Variants in CSDE1 observed in about 807,000 individuals in gnomAD.
CSDE1 encodes cold shock domain-containing protein E1.
In CSDE1, 17 loss-of-function variants were observed where a neutral mutation model predicts 89.3. The observed-to-expected ratio is 0.19, with a 90% CI of 0.13 to 0.29. The LOEUF (loss-of-function observed/expected upper bound fraction) is 0.29. Ranked by LOEUF, CSDE1 falls within the 10% of genes least tolerant of loss-of-function variation. CSDE1 has a pLI of 1.00. For synonymous variants in CSDE1, 322 were observed against 332.8 expected (o/e 0.97, Z 0.35); for missense variants, 672 against 984.2 (o/e 0.68, Z 4.24).
At chr1:114,741,764 G>A (rs1660738985) in intron 2 of CSDE1, 1 of 940,522 alleles carries the variant, frequency 1.1e-6, no homozygotes, top group East Asian at 3.0e-5. Flanking sequence ...CTTGGGTTTA[G>A]CGAAATATAA....
intron 6 of CSDE1, among the ~76,000 whole-genome samples, chr1:114,735,329 G>T (rs759734477): frequency 6.6e-6 from 1 of 152,092 alleles, no homozygotes; most frequent in Non-Finnish European, 1.5e-5. Flanking sequence ...AACCCAAAAT[G>T]TGCTTTTTAT....
At chr1:114,742,003 C>A (rs542088633) in intron 2 of CSDE1, among the ~76,000 whole-genome samples, 19 of 152,170 alleles carry the variant, frequency 1.2e-4, no homozygotes, top group Non-Finnish European at 2.5e-4. Context: ...AGAGTACACA[C>A]TGATAACCCA....
chr1:114,737,723 T>C (rs554027146), intron 4 of CSDE1, among the ~76,000 whole-genome samples, 160 bp from the exon 5 acceptor site: 2 of 152,342 alleles, frequency 1.3e-5, no homozygotes, highest in Admixed American at 6.5e-5. Context: ...ACTTACAGTA[T>C]GTAAATTGAC....
chr1:114,726,770 G>A (rs901294637), intron 13 of CSDE1, among the ~76,000 whole-genome samples: 3 of 152,126 alleles, frequency 2.0e-5, no homozygotes, highest in African/African-American at 4.8e-5. Flanking sequence ...TTTATCTAAC[G>A]TTTAAACAGC....
Position 114,725,451 on chromosome 1 carries a change from T to C in CSDE1, c.1641-118A>G, listed in dbSNP as rs970605936. The C allele has an allele frequency of 4.1e-5, 31 of 758,924 alleles. No homozygotes were observed. The East Asian group carries it at 6.6e-4, about 16-fold the overall frequency. 47.0% of individuals were successfully genotyped at this position (758,924 alleles called of 1,614,324 possible). ...GCATGCTTATTTACATTAGACACCA[T>C]TTTAAGTAATTTCTATGTATTGACT... On this transcript the variant is annotated intron_variant, in intron 14 of 19. Coordinates refer to ENST00000358528, the MANE Select transcript of CSDE1 (RefSeq NM_001007553.3).
In CSDE1 at chr1:114,739,612, T is replaced by C. The variant is rs1558002267; in HGVS notation, c.199+80A>G. ...AATGTTTTAATTTACATAAAACTTTTTGAAAAACACTCATGAACAAATTGA... is the reference window on the plus strand; with the variant it reads ...AATGTTTTAATTTACATAAAACTTTCTGAAAAACACTCATGAACAAATTGA... On this transcript the variant is annotated intron_variant, in intron 3 of 19. Coordinates refer to ENST00000358528, the MANE Select transcript of CSDE1 (RefSeq NM_001007553.3). 2.4e-6 allele frequency: 3 copies of C among 1,255,998 alleles called. No individual in the cohort carries two copies. In the African/African-American group the frequency reaches 4.5e-5, roughly 19 times the overall value. The allele number at this position is 1,255,998 out of a possible 1,614,324, so 77.8% of individuals were successfully genotyped here. A position where few individuals can be genotyped will look rare whatever the true frequency, so the allele number is the denominator to read the frequency against.
At position 114,739,903 on chromosome 1, in the gene CSDE1, GAA is replaced by G; in HGVS notation, c.1-15_1-14del. ...GATCAAAGCTCATCTGTTTTAAAAA[GAA>G]AAAGAATATATACATATCTGTACAT... On this transcript the variant is annotated splice_polypyrimidine_tract_variant and intron_variant, in intron 2 of 19. Coordinates refer to ENST00000358528, the MANE Select transcript of CSDE1 (RefSeq NM_001007553.3). 3.1e-6 allele frequency: 5 copies of G among 1,598,126 alleles called. No homozygotes were observed. The highest frequency in any genetic ancestry group is 4.3e-6 in the Non-Finnish European group (5 of 1,165,866).
chr1:114,724,743 GAC>G (rs1461714982), intron 15 of CSDE1, among the ~76,000 whole-genome samples: 1 of 151,690 alleles, frequency 6.6e-6, no homozygotes, highest in Admixed American at 6.6e-5. Flanking sequence ...GTTTTTTTCA[GAC>G]AGTCTTGCTC....
intron 3 of CSDE1, among the ~76,000 whole-genome samples, chr1:114,738,491 A>G (rs144198252): frequency 1.3e-5 from 2 of 152,108 alleles, no homozygotes; most frequent in Non-Finnish European, 2.9e-5. Flanking sequence ...TCTTATGTAA[A>G]AGGAGAATAA....
At chr1:114,741,961 A>T (rs1366848081) in intron 2 of CSDE1, among the ~76,000 whole-genome samples, 2 of 152,252 alleles carry the variant, frequency 1.3e-5, no homozygotes, top group Admixed American at 6.5e-5. Flanking sequence ...AACTTTAAAT[A>T]GAACCTATCA....
chr1:114,723,463 T>C (rs1187163233), intron 16 of CSDE1, among the ~76,000 whole-genome samples: 1 of 152,156 alleles, frequency 6.6e-6, no homozygotes, highest in East Asian at 1.9e-4. Flanking sequence ...AAACAGATTA[T>C]GTACATATGT....
chr1:114,734,530 A>G lies in CSDE1; in HGVS notation c.501-7T>C, dbSNP rs1660288312. ...AGCACTTACAGCACCAGTACTAGAA[A>G]AAAAATAATTGCAGGGAGGAGGAAT... On this transcript the variant is annotated splice_region_variant and splice_polypyrimidine_tract_variant and intron_variant, in intron 6 of 19. Transcript: ENST00000358528. The G allele has an allele frequency of 3.1e-6, 5 of 1,606,800 alleles. No homozygotes were observed. The highest frequency in any genetic ancestry group is 3.4e-5 in the Admixed American group (2 of 58,480).
At chr1:114,719,823 A>C in intron 17 of CSDE1, 81 bp from the exon 18 acceptor site, 3 of 1,344,642 alleles carry the variant, frequency 2.2e-6, no homozygotes, top group Non-Finnish European at 3.1e-6. Context: ...CCCTATCTAA[A>C]AGGATGTATA....
At position 114,725,344 on chromosome 1, in the gene CSDE1, A is replaced by G. The variant is rs535485468; in HGVS notation, c.1641-11T>C. The G allele has an allele frequency of 4.1e-5, 66 of 1,595,236 alleles. No individual in the cohort carries two copies. In the South Asian group the frequency reaches 7.1e-4, roughly 17 times the overall value. On this transcript the variant is annotated splice_polypyrimidine_tract_variant and intron_variant, in intron 14 of 19. Transcript: ENST00000358528. ...TCACCAGAGAACTCACTAAGGAGAA[A>G]GGAAATGACATTTAACTAAACATTA...
chr1:114,718,280 A>C, intron 19 of CSDE1, 64 bp from the exon 20 acceptor site: 2 of 1,517,136 alleles, frequency 1.3e-6, no homozygotes, highest in Non-Finnish European at 1.8e-6. Flanking sequence ...ATCATAGTAC[A>C]TTCACTATTC....
At chr1:114,738,545 T>C (rs796671838) in intron 3 of CSDE1, among the ~76,000 whole-genome samples, 96 of 152,112 alleles carry the variant, frequency 6.3e-4, no homozygotes, top group African/African-American at 2.3e-3. Flanking sequence ...ACAATGTTCC[T>C]ATAGCATGCA....
At chr1:114,757,083 T>C (rs1360872061) in intron 1 of CSDE1, among the ~76,000 whole-genome samples, 3 of 152,194 alleles carry the variant, frequency 2.0e-5, no homozygotes, top group Non-Finnish European at 4.4e-5. Context: ...AGGACACTAC[T>C]GAGCTTTCAG....
rs538505760 is a variant in CSDE1, at chr1:114,737,482, C to T, written c.391G>A (p.Glu131Lys). ...ATACACAAGTTTACCCCATTACGTT[C>T]GTAGCATACACTCCCTGTTGGACTC... is the stretch of plus-strand genomic sequence containing the variant. ...GQSPTGSVCY[E>K]RNGEVFYLTY... Residue 131 changes from glutamate to lysine, a missense_variant, in exon 5 of 20, where the codon GAA (glutamate) becomes AAA (lysine). Glu to Lys is a moderately conservative substitution (Grantham distance 56). Coordinates refer to ENST00000358528, the MANE Select transcript of CSDE1 (RefSeq NM_001007553.3). 3.7e-6 allele frequency: 6 copies of T among 1,613,186 alleles called. No homozygotes were observed. Among genetic ancestry groups the T allele is most frequent in the African/African-American group, 1.3e-5 (1 of 74,952 alleles).
chr1:114,744,836 T>C (rs532664938), intron 2 of CSDE1, among the ~76,000 whole-genome samples: 7 of 152,254 alleles, frequency 4.6e-5, no homozygotes, highest in Admixed American at 3.3e-4. Flanking sequence ...ATAAGCTTCT[T>C]GAGGGGCAGA....
Sources: gnomAD v4.1 joint callset for allele counts (sites outside exome capture counted in the v4.1 genomes callset) on GRCh38, gnomAD v4.1.1 for gene constraint, MANE v1.5 for transcripts, NCBI Gene and HGNC (gene_info 2026-07-23, HGNC 2026-07-21) for gene names.